SEC16A: variants seen among roughly 807,000 people sequenced by gnomAD.
SEC16A encodes the protein SEC16 homolog A, endoplasmic reticulum export factor.
SEC16A carries 110 observed loss-of-function variants against 221.9 expected under a neutral mutation model. That is an observed-to-expected ratio of 0.50 (90% CI 0.42 to 0.58). The LOEUF (loss-of-function observed/expected upper bound fraction) is 0.58, where lower values mean the gene tolerates loss of function less well. Among genes scored for constraint, SEC16A ranks in the 20% least tolerant of loss-of-function variants. The probability of loss-of-function intolerance (pLI) is 0.00; values close to 1 mark genes in which losing one functional copy is unlikely to be tolerated. For missense variants in SEC16A, 3,165 were observed against 3,097.8 expected (o/e 1.02, Z -0.52); for synonymous variants, 1,393 against 1,257.7 (o/e 1.11, Z -2.28).
Position 136,476,799 on chromosome 9 carries a change from C to T in SEC16A, c.817G>A (p.Ala273Thr). ...TCTCTTCCGTCACTGGGCAAGGCTG[C>T]TGGGGGAGCCACCAGAGGGCTGTGT... ...EQHSPLVAPP[A>T]ALPSDGRDEV... is the part of the protein sequence containing the mutation. The change falls in exon 3 of 32, where the codon GCA becomes ACA. Residue 273 changes from alanine to threonine, a missense_variant. This residue lies in a region of SEC16A where 2,030 missense variants were observed against 1,923.1 expected (regional missense o/e 1.06). Transcript: ENST00000684901. 1 of 1,611,300 alleles carries T rather than the reference C, an allele frequency of 6.2e-7. No homozygotes were observed. Among genetic ancestry groups the T allele is most frequent in the Non-Finnish European group, 8.5e-7 (1 of 1,178,164 alleles).
rs1842603020 is a variant in SEC16A at position 136,482,969 on chromosome 9, G to C, written c.-223C>G. The C allele has an allele frequency of 1.0e-6, 1 of 984,844 alleles. No individual in the cohort carries two copies. Among genetic ancestry groups the C allele is most frequent in the African/African-American group, 1.8e-5 (1 of 57,128 alleles). The allele number at this position is 984,844 out of a possible 1,614,324, so 61.0% of individuals were successfully genotyped here. On this transcript the variant is annotated 5_prime_UTR_variant, in exon 1 of 32. Transcript: ENST00000684901. Reference sequence around the variant, plus strand: ...GGCTGAGACCGATCCCTCAGGAGCCGCGGGCGAAAGCCCACCCGACGCTGG... The same window carrying C: ...GGCTGAGACCGATCCCTCAGGAGCCCCGGGCGAAAGCCCACCCGACGCTGG...
In SEC16A at chr9:136,472,100, G is replaced by C. The variant is rs1335929370; in HGVS notation, c.3579C>G (p.Ser1193Arg). 1.2e-6 allele frequency: 2 copies of C among 1,613,702 alleles called. No homozygotes were observed. Among genetic ancestry groups the C allele is most frequent in the Admixed American group, 3.3e-5 (2 of 60,026 alleles). The change falls in exon 4 of 32, where the codon AGC becomes AGG. Residue 1193 changes from serine (S) to arginine (R), a missense_variant. Ser to Arg is a moderately radical substitution (Grantham distance 110). Around this residue, in one of 3 missense-constraint regions of SEC16A, gnomAD observed 2,030 missense variants for 1,923.1 expected, o/e 1.06. Transcript: ENST00000684901. ...AGGGCCTGTATCGAGGCTCATAGAGGCTGTAGACATCCTGTGGGAGGAAGC... is the reference window on the plus strand; with the variant it reads ...AGGGCCTGTATCGAGGCTCATAGAGCCTGTAGACATCCTGTGGGAGGAAGC... ...AASLYYQDVY[S>R]LYEPRYRPYD... is the part of the protein sequence containing the mutation.
Position 136,466,292 on chromosome 9 carries a change from C to T in SEC16A, c.4100G>A (p.Arg1367His), listed in dbSNP as rs537949436. Residue 1367 changes from arginine (R) to histidine (H), a missense_variant, in exon 7 of 32, where the codon CGC becomes CAC. This residue lies in a region of SEC16A where 2,030 missense variants were observed against 1,923.1 expected (regional missense o/e 1.06). Coordinates refer to ENST00000684901, the MANE Select transcript of SEC16A (RefSeq NM_014866.2). This position sits in a 1 kb window ranked among gnomAD's most constrained non-coding sequence, Gnocchi z 5.5. The part of the protein sequence containing the change: ...LHSAHSLASR[R>H]SSLSSHSHQS... ...GTGCGAGTGGGAGCTGAGGCTGCTG[C>T]GGCGGCTGGCCAGGCTGTGTGCGCT... The T allele has an allele frequency of 3.6e-5, 56 of 1,571,832 alleles. No homozygotes were observed. Among genetic ancestry groups the T allele is most frequent in the African/African-American group, 1.6e-4 (12 of 73,814 alleles).
chr9:136,478,535 T>C (rs1322312562), intron 2 of SEC16A, among the ~76,000 whole-genome samples, 174 bp downstream of exon 2: 1 of 152,192 alleles, frequency 6.6e-6, no homozygotes, highest in Non-Finnish European at 1.5e-5. Flanking sequence ...TGAAGTATAG[T>C]TATAAAAGCT....
In SEC16A at chr9:136,447,026, AAG is replaced by A. The variant is rs753927020; in HGVS notation, c.6698-79_6698-78del. On this transcript the variant is annotated intron_variant, in intron 27 of 31. Coordinates refer to ENST00000684901, the MANE Select transcript of SEC16A (RefSeq NM_014866.2). This position sits in a 1 kb window ranked among gnomAD's most constrained non-coding sequence, Gnocchi z 5.5. ...GTCTCACTGAAGACACTCCGAGAGG[AAG>A]AGAGTTTCACACTGCACACGCGGCA... 317 of 1,604,918 alleles carry A rather than the reference AAG, an allele frequency of 2.0e-4. No individual in the cohort carries two copies. Among genetic ancestry groups the A allele is most frequent in the Non-Finnish European group, 2.5e-4 (289 of 1,176,646 alleles).
Position 136,472,005 on chromosome 9 carries a change from G to C in SEC16A, c.3674C>G (p.Ala1225Gly). The change falls in exon 4 of 32, where the codon GCC (alanine) becomes GGC (glycine). Residue 1225 changes from alanine (A) to glycine (G), a missense_variant. Ala to Gly is a moderately conservative substitution (Grantham distance 60). Around this residue, in one of 3 missense-constraint regions of SEC16A, gnomAD observed 2,030 missense variants for 1,923.1 expected, o/e 1.06. Coordinates refer to ENST00000684901, the MANE Select transcript of SEC16A (RefSeq NM_014866.2). ...YPEPERPSSR[A>G]SHSSERPPPR... is the part of the protein sequence containing the mutation. ...AGGTGGCCGTTCCGAGGAGTGGCTG[G>C]CTCGGGAGCTGGGCCGCTCGGGCTC... The C allele has an allele frequency of 1.2e-6, 2 of 1,611,740 alleles. No individual in the cohort carries two copies. The highest frequency in any genetic ancestry group is 1.7e-6 in the Non-Finnish European group (2 of 1,179,846).
chr9:136,459,821 C>A lies in SEC16A; in HGVS notation c.5127G>T (p.Leu1709Phe). The A allele has an allele frequency of 6.2e-7, 1 of 1,613,618 alleles. No individual in the cohort carries two copies. The highest frequency in any genetic ancestry group is 8.5e-7 in the Non-Finnish European group (1 of 1,179,748). The change falls in exon 15 of 32, where the codon TTG (leucine) becomes TTT (phenylalanine). Residue 1709 changes from leucine (L) to phenylalanine (F), a missense_variant. By Grantham distance (22) the Leu-to-Phe change is conservative (BLOSUM62 0). Around this residue, in one of 3 missense-constraint regions of SEC16A, gnomAD observed 1,088 missense variants for 1,089.6 expected, o/e 1.00. Transcript: ENST00000684901. The surrounding 1 kb of genome is among the most constrained non-coding windows in gnomAD (Gnocchi z 6.1). Reference protein sequence around the residue: ...GDWRPHLAMVLSNLNNNMDVE... With the variant: ...GDWRPHLAMVFSNLNNNMDVE... ...CGTCCATGTTGTTGTTCAAGTTGGA[C>A]AAGACCATGGCGAGGTGCGGCCTCC...
chr9:136,441,399 G>A lies in SEC16A; in HGVS notation c.*356C>T, dbSNP rs11555399. 0.013 allele frequency: 3,948 copies of A among 313,142 alleles called. 180 individuals carry two copies. The highest frequency in any genetic ancestry group is 0.077 in the African/African-American group (3,611 of 46,694). The allele number at this position is 313,142 out of a possible 1,614,324, so 19.4% of individuals were successfully genotyped here. On this transcript the variant is annotated 3_prime_UTR_variant, in exon 32 of 32. Coordinates refer to ENST00000684901, the MANE Select transcript of SEC16A (RefSeq NM_014866.2). Reference sequence around the variant, plus strand: ...AGAGGCCCTGGTTACTACCGACCATGTGGCTCTCCTGTGGCAGAGACAGCT... The same window carrying A: ...AGAGGCCCTGGTTACTACCGACCATATGGCTCTCCTGTGGCAGAGACAGCT...
chr9:136,463,624 G>A (rs560728865), intron 10 of SEC16A, 23 bp from the exon 11 acceptor site: 29 of 1,613,594 alleles, frequency 1.8e-5, no homozygotes, highest in Admixed American at 6.7e-5. Flanking sequence ...CACACAGTGA[G>A]CAGTGATGTC....
intron 13 of SEC16A, among the ~76,000 whole-genome samples, 195 bp downstream of exon 13, chr9:136,460,982 C>T (rs1839395441): frequency 6.6e-6 from 1 of 152,240 alleles, no homozygotes; most frequent in Non-Finnish European, 1.5e-5. Context: ...AAAAACCATG[C>T]AGTTAATTAA....
At chr9:136,464,250 T>C (rs528105176) in intron 9 of SEC16A, among the ~76,000 whole-genome samples, 170 bp downstream of exon 9, 2 of 152,318 alleles carry the variant, frequency 1.3e-5, no homozygotes, top group African/African-American at 4.8e-5. Context: ...AGGAAAAATA[T>C]ATGATCAAAT....
At chr9:136,442,864 C>T in intron 31 of SEC16A, among the ~76,000 whole-genome samples, 1 of 152,246 alleles carries the variant, frequency 6.6e-6, no homozygotes, top group South Asian at 2.1e-4. Context: ...ACGTGAAAGG[C>T]ATCTCCCAAG....
At position 136,451,333 on chromosome 9, in the gene SEC16A, G is replaced by A. The variant is rs1244138061; in HGVS notation, c.6235C>T (p.Pro2079Ser). 1 of 1,613,694 alleles carries A rather than the reference G, an allele frequency of 6.2e-7. No individual in the cohort carries two copies. Among genetic ancestry groups the A allele is most frequent in the Admixed American group, 1.7e-5 (1 of 59,990 alleles). ...TCGGGAGCGGGTGAGAGAGACAGAGGTGGCTGCGTGGGACCCGAGTCGGCA... is the reference window on the plus strand; with the variant it reads ...TCGGGAGCGGGTGAGAGAGACAGAGATGGCTGCGTGGGACCCGAGTCGGCA... Reference protein sequence around the residue: ...DRADSGPTQPPLSLSPAPETK... With the variant: ...DRADSGPTQPSLSLSPAPETK... Residue 2079 changes from proline to serine, a missense_variant, in exon 23 of 32, where the codon CCT (proline) becomes TCT (serine). Physicochemically the swap from Pro to Ser is moderately conservative, Grantham distance 74. This residue lies in a region of SEC16A where 1,088 missense variants were observed against 1,089.6 expected (regional missense o/e 1.00). Transcript: ENST00000684901.
chr9:136,482,880 G>T, intron 1 of SEC16A, 58 bp downstream of exon 1: 1 of 723,588 alleles, frequency 1.4e-6, no homozygotes, highest in Non-Finnish European at 1.7e-6. Context: ...GGCTCCGCCG[G>T]CCGGCCTCCG....
At position 136,474,527 on chromosome 9, in the gene SEC16A, G is replaced by A; in HGVS notation, c.3089C>T (p.Ser1030Phe). 2 of 1,612,978 alleles carry A rather than the reference G, an allele frequency of 1.2e-6. No individual in the cohort carries two copies. Among genetic ancestry groups the A allele is most frequent in the Non-Finnish European group, 1.7e-6 (2 of 1,179,818 alleles). The change falls in exon 3 of 32, where the codon TCT becomes TTT. Residue 1030 changes from serine to phenylalanine, a missense_variant. Physicochemically the swap from Ser to Phe is radical, Grantham distance 155. Coordinates refer to ENST00000684901, the MANE Select transcript of SEC16A (RefSeq NM_014866.2). Reference sequence around the variant, plus strand: ...GTCAAGGTTAGGCGCCCCAGGCCCAGATTGTCTGGGATGACTGGCAACACT... The same window carrying A: ...GTCAAGGTTAGGCGCCCCAGGCCCAAATTGTCTGGGATGACTGGCAACACT... ...QQSVASHPRQ[S>F]GPGAPNLDRF...
intron 20 of SEC16A, among the ~76,000 whole-genome samples, chr9:136,454,639 G>A (rs567149008): frequency 1.5e-3 from 233 of 152,088 alleles, no homozygotes; most frequent in African/African-American, 5.2e-3. Context: ...TGCTAGGCCC[G>A]AGTCCCCTCC....
chr9:136,448,112 G>C lies in SEC16A; in HGVS notation c.6362C>G (p.Ala2121Gly). 6.2e-7 allele frequency: 1 copy of C among 1,613,406 alleles called. No individual in the cohort carries two copies. The highest frequency in any genetic ancestry group is 8.5e-7 in the Non-Finnish European group (1 of 1,179,612). ...TTTGTTCTTGTCATCTGGCAAATAA[G>C]CTTCTGTCTTTTTCTTTCCAGGTAG... ...RWLPGKKKTE[A>G]YLPDDKNKSI... Residue 2121 changes from alanine (A) to glycine (G), a missense_variant, in exon 24 of 32, where the codon GCT (alanine) becomes GGT (glycine). Transcript: ENST00000684901.
intron 20 of SEC16A, among the ~76,000 whole-genome samples, chr9:136,454,978 G>C (rs1176555851): frequency 6.6e-6 from 1 of 152,174 alleles, no homozygotes; most frequent in Non-Finnish European, 1.5e-5. Context: ...GAGGGCTCAG[G>C]GCCAAGCTTG....
chr9:136,455,456 C>T (rs1257563113), intron 20 of SEC16A, 145 bp downstream of exon 20: 1 of 764,648 alleles, frequency 1.3e-6, no homozygotes, highest in Non-Finnish European at 2.0e-6. Flanking sequence ...CCGAGGAGCC[C>T]CACAACCACC....
Sources: allele counts gnomAD v4.1 joint callset (sites outside exome capture counted in the v4.1 genomes callset), GRCh38; gene constraint gnomAD v4.1.1; regional missense constraint gnomAD v4.1.1; non-coding constraint Gnocchi (gnomAD v3.1); transcripts MANE v1.5; gene names NCBI Gene and HGNC (gene_info 2026-07-23, HGNC 2026-07-21).